The following EFCAB5 variants were observed in gnomAD, a reference collection of about 807,000 sequenced individuals.
EFCAB5 encodes EF-hand calcium-binding domain-containing protein 5.
A neutral mutation model predicts 167.9 loss-of-function variants in EFCAB5; 131 were observed. That is an observed-to-expected ratio of 0.78 (90% CI 0.68 to 0.90). The LOEUF (loss-of-function observed/expected upper bound fraction) is 0.90, where lower values mean the gene tolerates loss of function less well. Ranked by LOEUF, EFCAB5 falls within the 40% of genes least tolerant of loss-of-function variation. The pLI, the probability that EFCAB5 is intolerant of heterozygous loss-of-function variation, is 0.00. For missense variants in EFCAB5, 1,663 were observed against 1,745.2 expected, an observed-to-expected ratio of 0.95 and a Z score of 0.84; for synonymous variants, 574 against 602.8, an observed-to-expected ratio of 0.95 and a Z score of 0.70.
At chr17:29,994,093 G>C (rs1166439364) in intron 5 of EFCAB5, among the ~76,000 whole-genome samples, 1 of 139,222 alleles carries the variant, frequency 7.2e-6, no homozygotes, top group Non-Finnish European at 1.5e-5. Context: ...AACAGAGAGG[G>C]ACTACGTCTC....
Position 30,010,503 on chromosome 17 carries a change from C to T in EFCAB5, c.1044+10527C>T, listed in dbSNP as rs188623626. Among the ~76,000 whole-genome samples the T allele has an allele frequency of 2.6e-3, 395 of 152,306 alleles. 4 individuals are homozygous for T. Among genetic ancestry groups the T allele is most frequent in the African/African-American group, 9.1e-3 (379 of 41,552 alleles). ...GACGTTTTAATGATCACCATTCTAACTGGTGTGAGATGGTATCTCATTGTG... is the reference window on the plus strand; with the variant it reads ...GACGTTTTAATGATCACCATTCTAATTGGTGTGAGATGGTATCTCATTGTG... On this transcript the variant is annotated intron_variant, in intron 7 of 22. Transcript: ENST00000394835.
At chr17:30,078,719 G>A (rs1030666794) in intron 15 of EFCAB5, among the ~76,000 whole-genome samples, 1 of 152,098 alleles carries the variant, frequency 6.6e-6, no homozygotes, top group Non-Finnish European at 1.5e-5. Context: ...AGAGGAGAAA[G>A]GTAGAAAAGA....
chr17:29,938,511 T>A (rs539449672), upstream of EFCAB5, among the ~76,000 whole-genome samples: 1 of 152,224 alleles, frequency 6.6e-6, no homozygotes, highest in Admixed American at 6.5e-5. Context: ...AATTTCTCTG[T>A]AACATTTGAT....
chr17:29,933,995 T>G (rs2067224376), intron 1 of EFCAB5, among the ~76,000 whole-genome samples: 1 of 152,224 alleles, frequency 6.6e-6, no homozygotes, highest in Non-Finnish European at 1.5e-5. Flanking sequence ...TATTACTTAC[T>G]TTTAATGACA....
intron 22 of EFCAB5, among the ~76,000 whole-genome samples, chr17:30,094,401 T>G (rs1466268801): frequency 1.3e-5 from 2 of 150,874 alleles, no homozygotes; most frequent in Non-Finnish European, 2.9e-5. Flanking sequence ...CCAGGCACAG[T>G]GACTCACACC....
chr17:30,010,140 CT>C (rs1428982162), intron 7 of EFCAB5, among the ~76,000 whole-genome samples: 4 of 152,088 alleles, frequency 2.6e-5, no homozygotes, highest in South Asian at 2.1e-4. Flanking sequence ...ATGAGCTCAT[CT>C]TTTTTTATGG....
rs1597778043 is a variant in EFCAB5 at position 30,078,385 on chromosome 17, A to T, written c.2908A>T (p.Ile970Phe). Reference protein sequence around the residue: ...FLMNALERSHIESLRNSARRK... With the variant: ...FLMNALERSHFESLRNSARRK... ...GATGAATGCTTTAGAGAGGAGCCACATTGAGAGTCTGAGGAATTCTGCCAG... is the reference window on the plus strand; with the variant it reads ...GATGAATGCTTTAGAGAGGAGCCACTTTGAGAGTCTGAGGAATTCTGCCAG... The change falls in exon 15 of 23, where the codon ATT becomes TTT. Residue 970 changes from isoleucine to phenylalanine, a missense_variant. By Grantham distance (21) the Ile-to-Phe change is conservative (BLOSUM62 0). Transcript: ENST00000394835. 1 of 1,614,024 alleles carries T rather than the reference A, an allele frequency of 6.2e-7. No homozygotes were observed. The highest frequency in any genetic ancestry group is 1.7e-5 in the Admixed American group (1 of 60,026).
intron 4 of EFCAB5, among the ~76,000 whole-genome samples, chr17:29,969,799 C>T (rs191555168): frequency 6.6e-6 from 1 of 152,244 alleles, no homozygotes; most frequent in East Asian, 1.9e-4. Flanking sequence ...TAAATAACTA[C>T]TATTCTTAAT....
At chr17:29,958,765 T>C (rs2067665351) in intron 3 of EFCAB5, among the ~76,000 whole-genome samples, 1 of 152,170 alleles carries the variant, frequency 6.6e-6, no homozygotes, top group African/African-American at 2.4e-5. Flanking sequence ...CCCATCCTTC[T>C]TGGGAATGCT....
intron 13 of EFCAB5, 91 bp from the exon 14 acceptor site, chr17:30,059,454 G>A: frequency 7.5e-7 from 1 of 1,341,128 alleles, no homozygotes; most frequent in Non-Finnish European, 1.0e-6. Context: ...TTTAATAGAA[G>A]ACGCTGGACT....
In EFCAB5 at chr17:29,999,906, G is replaced by A. The variant is rs961237397; in HGVS notation, c.974G>A (p.Gly325Glu). 2 of 1,575,368 alleles carry A rather than the reference G, an allele frequency of 1.3e-6. No homozygotes were observed. The highest frequency in any genetic ancestry group is 3.6e-5 in the Admixed American group (2 of 55,848). Residue 325 changes from glycine (G) to glutamate (E), a missense_variant and splice_region_variant, in exon 7 of 23, where the codon GGA (glycine) becomes GAA (glutamate). Physicochemically the swap from Gly to Glu is moderately conservative, Grantham distance 98. Transcript: ENST00000394835. ...EFFQNPDFKL[G>E]SHCKQLDITD... is the part of the protein sequence containing the mutation. ...CAAATAATCTTCATTCCATAAATAG[G>A]ATCACACTGCAAACAACTGGATATT...
chr17:30,081,304 A>G (rs995617289), intron 17 of EFCAB5, among the ~76,000 whole-genome samples: 6 of 152,242 alleles, frequency 3.9e-5, no homozygotes, highest in African/African-American at 1.4e-4. Context: ...AACTTTTAGA[A>G]GGGACGTATT....
chr17:29,954,192 G>A (rs1454479185), intron 3 of EFCAB5, among the ~76,000 whole-genome samples: 2 of 152,204 alleles, frequency 1.3e-5, no homozygotes, highest in Non-Finnish European at 2.9e-5. Context: ...CAAGCCAGCT[G>A]CAGAAATTTG....
chr17:30,057,187 C>T (rs961990831), intron 12 of EFCAB5, among the ~76,000 whole-genome samples: 1 of 152,154 alleles, frequency 6.6e-6, no homozygotes, highest in Non-Finnish European at 1.5e-5. Flanking sequence ...AAAGGCTCAA[C>T]AATAGCAGCA....
intron 3 of EFCAB5, among the ~76,000 whole-genome samples, chr17:29,945,152 A>G (rs557857109): frequency 6.6e-6 from 1 of 152,160 alleles, no homozygotes; most frequent in Non-Finnish European, 1.5e-5. Context: ...ATTCTTTACA[A>G]TATTTAAAAT....
chr17:29,975,027 AAAATAAATAAAT>A (rs564610853), intron 4 of EFCAB5, among the ~76,000 whole-genome samples: 2 of 151,448 alleles, frequency 1.3e-5, no homozygotes, highest in Non-Finnish European at 2.9e-5. Context: ...CCCTATCTCT[AAAATAAATAAAT>A]AAATAAATAA....
intron 3 of EFCAB5, among the ~76,000 whole-genome samples, chr17:29,956,163 T>C (rs1291086006): frequency 6.6e-6 from 1 of 152,224 alleles, no homozygotes; most frequent in African/African-American, 2.4e-5. Flanking sequence ...CTGGAATCTA[T>C]TAAATTGTCT....
At chr17:30,073,213 G>T in intron 14 of EFCAB5, 1 of 679,778 alleles carries the variant, frequency 1.5e-6, no homozygotes, top group Non-Finnish European at 2.7e-6. Flanking sequence ...GCATCATCAG[G>T]CCTGGCTAAT....
In EFCAB5 at chr17:30,090,469, T is replaced by G; in HGVS notation, c.3732T>G (p.Ser1244=). Residue 1244 remains serine (S), a synonymous_variant, in exon 20 of 23, where the codon TCT becomes TCG. Transcript: ENST00000394835. ...CTDSSEVVLA[S]ACGETHIVVP... is the part of the protein sequence containing the mutation. ...ACAGTTCAGAAGTTGTTCTGGCTTC[T>G]GCCTGTGGAGAAACGCATATAGTAG... is the stretch of plus-strand genomic sequence containing the variant. 1.2e-6 allele frequency: 2 copies of G among 1,614,058 alleles called. No individual in the cohort carries two copies. Among genetic ancestry groups the G allele is most frequent in the Middle Eastern group, 3.3e-4 (2 of 6,062 alleles).
Sources: allele counts gnomAD v4.1 joint callset (sites outside exome capture counted in the v4.1 genomes callset), GRCh38; gene constraint gnomAD v4.1.1; transcripts MANE v1.5; gene names NCBI Gene and HGNC (gene_info 2026-07-23, HGNC 2026-07-21).